SP4: variants seen among roughly 807,000 people sequenced by gnomAD.
SP4 encodes transcription factor Sp4.
In SP4, 19 loss-of-function variants were observed where a neutral mutation model predicts 72.8. The observed-to-expected ratio is 0.26, with a 90% CI of 0.18 to 0.38. The LOEUF is 0.38. Among genes scored for constraint, SP4 ranks in the 10% least tolerant of loss-of-function variants. SP4 has a pLI of 1.00. For synonymous variants in SP4, 395 were observed against 333.1 expected (o/e 1.19, Z -2.02); for missense variants, 1,008 against 926.3 (o/e 1.09, Z -1.14).
intron 5 of SP4, among the ~76,000 whole-genome samples, chr7:21,503,333 G>A (rs749394932): frequency 4.6e-5 from 7 of 152,182 alleles, no homozygotes; most frequent in Non-Finnish European, 1.0e-4. Context: ...TCGTAGAGGG[G>A]CAATCCCAAG....
chr7:21,504,510 A>G (rs1328784553), intron 5 of SP4, among the ~76,000 whole-genome samples: 1 of 152,192 alleles, frequency 6.6e-6, no homozygotes, highest in East Asian at 1.9e-4. Context: ...GTTCGTCACA[A>G]CTCATCCACA....
intron 3 of SP4, among the ~76,000 whole-genome samples, chr7:21,434,245 G>A (rs1244739294): frequency 2.6e-5 from 4 of 152,174 alleles, no homozygotes; most frequent in African/African-American, 9.7e-5. Context: ...AGGACAATGA[G>A]CTAAAACTCT....
intron 3 of SP4, among the ~76,000 whole-genome samples, chr7:21,473,251 A>G (rs1449028938): frequency 6.6e-6 from 1 of 152,212 alleles, no homozygotes; most frequent in Non-Finnish European, 1.5e-5. Flanking sequence ...AAATTTGGTC[A>G]TCACTGGATG....
At chr7:21,432,909 G>T (rs560084637) in intron 3 of SP4, among the ~76,000 whole-genome samples, 1 of 152,156 alleles carries the variant, frequency 6.6e-6, no homozygotes, top group Non-Finnish European at 1.5e-5. Context: ...TAGGAGGATC[G>T]CTTGTACCCG....
At chr7:21,456,717 A>C (rs977394892) in intron 3 of SP4, among the ~76,000 whole-genome samples, 3 of 152,186 alleles carry the variant, frequency 2.0e-5, no homozygotes, top group Non-Finnish European at 4.4e-5. Flanking sequence ...TTAGTTGAAA[A>C]AGCAGAGGAA....
intron 3 of SP4, among the ~76,000 whole-genome samples, chr7:21,465,209 C>G (rs892364125): frequency 6.6e-6 from 1 of 152,136 alleles, no homozygotes; most frequent in Non-Finnish European, 1.5e-5. Context: ...TCTCCAACAC[C>G]AAATGACTAG....
In SP4 at chr7:21,461,288, C is replaced by T. The variant is rs11978479; in HGVS notation, c.1679-15791C>T. Among the ~76,000 whole-genome samples, 1,501 of 151,944 alleles carry T rather than the reference C, an allele frequency of 9.9e-3. 29 individuals carry two copies. Among genetic ancestry groups the T allele is most frequent in the African/African-American group, 0.034 (1,401 of 41,454 alleles). ...GAGACTCAGGCCGTGCAGGAGCCCA[C>T]GGGGGTTGGGGGAGACTCAGGCTGT... On this transcript the variant is annotated intron_variant, in intron 3 of 5. Coordinates refer to ENST00000222584, the MANE Select transcript of SP4 (RefSeq NM_003112.5).
rs952546297 is a variant in SP4, at chr7:21,430,033, G to C, written c.868G>C (p.Ala290Pro). The part of the protein sequence containing the change: ...TGQVGQPAAT[A>P]DSGTSNGNQL... ...GCAGGTTGGCCAGCCTGCTGCTACT[G>C]CTGATAGTGGGACTTCCAATGGGAA... Residue 290 changes from alanine to proline, a missense_variant, in exon 3 of 6, where the codon GCT (alanine) becomes CCT (proline). By Grantham distance (27) the Ala-to-Pro change is conservative (BLOSUM62 -1). This residue lies in a region of SP4 where 893 missense variants were observed against 743.3 expected (regional missense o/e 1.20). Coordinates refer to ENST00000222584, the MANE Select transcript of SP4 (RefSeq NM_003112.5). The C allele has an allele frequency of 1.9e-6, 3 of 1,614,150 alleles. No homozygotes were observed. In the Admixed American group the frequency reaches 5.0e-5, roughly 27 times the overall value.
At chr7:21,436,299 A>G (rs371469183) in intron 3 of SP4, among the ~76,000 whole-genome samples, 9 of 152,240 alleles carry the variant, frequency 5.9e-5, no homozygotes, top group African/African-American at 1.9e-4. Context: ...CAGGTTGAGG[A>G]TATTGGGGCA....
In SP4 at chr7:21,429,627, A is replaced by T. The variant is rs765773882; in HGVS notation, c.462A>T (p.Ile154=). Residue 154 remains isoleucine, a synonymous_variant, in exon 3 of 6, where the codon ATA becomes ATT. Transcript: ENST00000222584. ...NSSTPGQFQV[I]QVQNPSGSVQ... ...CCACCCCTGGTCAATTTCAAGTCAT[A>T]CAAGTACAAAATCCAAGTGGTAGTG... is the stretch of plus-strand genomic sequence containing the variant. 3.1e-6 allele frequency: 5 copies of T among 1,614,062 alleles called. No homozygotes were observed. The highest frequency in any genetic ancestry group is 2.7e-5 in the African/African-American group (2 of 74,942).
Position 21,477,194 on chromosome 7 carries a change from C to T in SP4, c.1794C>T (p.Leu598=). 2 of 1,614,094 alleles carry T rather than the reference C, an allele frequency of 1.2e-6. No homozygotes were observed. The highest frequency in any genetic ancestry group is 1.7e-6 in the Non-Finnish European group (2 of 1,179,932). ...TAGGTGCTGTTAGTCCTGACCAACT[C>T]ACACAAGTGCATTTGCAGCAAGGCC... The part of the protein sequence containing the change: ...ATIGAVSPDQ[L]TQVHLQQGQQ... Residue 598 remains leucine (L), a synonymous_variant, in exon 4 of 6, where the codon CTC becomes CTT. Transcript: ENST00000222584.
chr7:21,463,381 GGTAAT>G (rs1784058812), intron 3 of SP4, among the ~76,000 whole-genome samples: 1 of 152,158 alleles, frequency 6.6e-6, no homozygotes, highest in Admixed American at 6.5e-5. Context: ...TGATGGCTCA[GGTAAT>G]GTAAAGTTTA....
intron 3 of SP4, among the ~76,000 whole-genome samples, chr7:21,465,051 A>G (rs952676604): frequency 7.9e-5 from 12 of 152,220 alleles, no homozygotes; most frequent in African/African-American, 2.9e-4. Flanking sequence ...GAAAGTATTC[A>G]TATCTTTCTA....
rs750851554 is a variant in SP4, at chr7:21,482,140, A to T, written c.2107+17A>T. On this transcript the variant is annotated intron_variant, in intron 5 of 5. Transcript: ENST00000222584. ...CCCATACAGGTTAGTTGATTTTAGG[A>T]CTTGTACTTTTTACTTATTTCTTCA... is the stretch of plus-strand genomic sequence containing the variant. 1 of 1,584,618 alleles carries T rather than the reference A, an allele frequency of 6.3e-7. No individual in the cohort carries two copies. The highest frequency in any genetic ancestry group is 1.1e-5 in the South Asian group (1 of 87,786).
intron 3 of SP4, among the ~76,000 whole-genome samples, chr7:21,474,576 AAAT>A (rs1190828949): frequency 6.6e-6 from 1 of 152,262 alleles, no homozygotes; most frequent in Non-Finnish European, 1.5e-5. Flanking sequence ...CACTGAAACA[AAAT>A]AATTATACCT....
At chr7:21,456,896 G>A (rs957350277) in intron 3 of SP4, among the ~76,000 whole-genome samples, 1 of 152,172 alleles carries the variant, frequency 6.6e-6, no homozygotes, top group Non-Finnish European at 1.5e-5. Flanking sequence ...AGGGTGAACT[G>A]AGAGATCAGC....
chr7:21,502,047 C>A (rs1020251132), intron 5 of SP4, among the ~76,000 whole-genome samples: 1 of 114,770 alleles, frequency 8.7e-6, no homozygotes, highest in Non-Finnish European at 1.8e-5. Flanking sequence ...GGCACCCCCC[C>A]CCCCCCGGAA....
intron 5 of SP4, among the ~76,000 whole-genome samples, chr7:21,501,828 T>C (rs764528234): frequency 1.4e-4 from 21 of 152,348 alleles, no homozygotes; most frequent in Non-Finnish European, 2.5e-4. Flanking sequence ...GCTAGTATCA[T>C]GTCTAGCGCA....
chr7:21,464,755 A>T (rs981364949), intron 3 of SP4, among the ~76,000 whole-genome samples: 1 of 152,090 alleles, frequency 6.6e-6, no homozygotes, highest in African/African-American at 2.4e-5. Flanking sequence ...AGACTTTTCA[A>T]GTTATAAAAA....
Sources: gnomAD v4.1 joint callset for allele counts (sites outside exome capture counted in the v4.1 genomes callset) on GRCh38, gnomAD v4.1.1 for gene constraint, gnomAD v4.1.1 regional missense constraint, MANE v1.5 for transcripts, NCBI Gene and HGNC (gene_info 2026-07-23, HGNC 2026-07-21) for gene names.